Variants in ACBD5 observed in about 807,000 individuals in gnomAD.
ACBD5 encodes the protein acyl-CoA binding domain containing 5.
A neutral mutation model predicts 71.8 loss-of-function variants in ACBD5; 40 were observed. The observed-to-expected ratio is 0.56, with a 90% CI of 0.43 to 0.72. The LOEUF (loss-of-function observed/expected upper bound fraction) is 0.72. ACBD5 is among the 30% of genes least tolerant of loss of function. The probability of loss-of-function intolerance (pLI) is 0.00; values close to 1 mark genes in which losing one functional copy is unlikely to be tolerated. For missense variants in ACBD5, 559 were observed against 644.5 expected, an observed-to-expected ratio of 0.87 and a Z score of 1.44; for synonymous variants, 229 against 218.6, an observed-to-expected ratio of 1.05 and a Z score of -0.42.
intron 2 of ACBD5, among the ~76,000 whole-genome samples, chr10:27,238,060 C>T (rs2064982567): frequency 6.6e-6 from 1 of 152,152 alleles, no homozygotes. Flanking sequence ...ATTCTCCTGC[C>T]TCAGCCTCCC....
chr10:27,189,672 G>A (rs1477940547), intron 13 of ACBD5, among the ~76,000 whole-genome samples: 2 of 150,346 alleles, frequency 1.3e-5, no homozygotes, highest in African/African-American at 4.9e-5. Flanking sequence ...TGTAAATGAC[G>A]AGTTAATGGG....
At chr10:27,241,573 T>C (rs1371719373), upstream of ACBD5, among the ~76,000 whole-genome samples, 1 of 152,068 alleles carries the variant, frequency 6.6e-6, no homozygotes, top group African/African-American at 2.4e-5. Context: ...AATAGGAGAC[T>C]GGGCATGGGG....
chr10:27,202,280 A>G (rs972195049), intron 12 of ACBD5, among the ~76,000 whole-genome samples: 1 of 152,230 alleles, frequency 6.6e-6, no homozygotes, highest in African/African-American at 2.4e-5. Flanking sequence ...TATTACATAT[A>G]TAAGCAAACA....
intron 13 of ACBD5, among the ~76,000 whole-genome samples, chr10:27,182,876 G>A (rs1278121838): frequency 6.6e-6 from 1 of 151,562 alleles, no homozygotes; most frequent in Non-Finnish European, 1.5e-5. Flanking sequence ...TTGAACTCCT[G>A]GGCTCAAAGG....
At chr10:27,188,768 A>C (rs2058924544) in intron 13 of ACBD5, among the ~76,000 whole-genome samples, 1 of 152,222 alleles carries the variant, frequency 6.6e-6, no homozygotes, top group Non-Finnish European at 1.5e-5. Context: ...GTAGATTCAG[A>C]CACTTGCTAG....
chr10:27,201,624 G>A (rs566472594), intron 12 of ACBD5, among the ~76,000 whole-genome samples: 2 of 152,222 alleles, frequency 1.3e-5, no homozygotes, highest in African/African-American at 2.4e-5. Flanking sequence ...TCAACATGGC[G>A]AAACCCTGTC....
At chr10:27,240,847 C>A, upstream of ACBD5, 1 of 1,146,082 alleles carries the variant, frequency 8.7e-7, no homozygotes. The surrounding 1 kb of genome is among the most constrained non-coding windows in gnomAD (Gnocchi z 4.1). Flanking sequence ...CCGGAGGACC[C>A]ACTGGCGCCG....
chr10:27,204,995 C>T (rs1370137497), intron 11 of ACBD5, among the ~76,000 whole-genome samples: 2 of 151,886 alleles, frequency 1.3e-5, no homozygotes, highest in African/African-American at 2.4e-5. Context: ...GGTGTGGTGG[C>T]GGGCACCTGT....
rs1232204565 is a variant in ACBD5, at chr10:27,240,549, G to A, written c.16-65C>T. On this transcript the variant is annotated intron_variant, in intron 1 of 12. Transcript: ENST00000396271. The surrounding 1 kb of genome is among the most constrained non-coding windows in gnomAD (Gnocchi z 4.1). ...AAGGAGGAGGCCCGGGAGCGAAGCG[G>A]GTCAGTTCCCCTTTGCCCTGCCCTA... 8 of 1,551,166 alleles carry A rather than the reference G, an allele frequency of 5.2e-6. No individual in the cohort carries two copies. Among genetic ancestry groups the A allele is most frequent in the Admixed American group, 2.0e-5 (1 of 50,996 alleles).
In ACBD5 at chr10:27,195,965, G is replaced by A. The variant is rs558576452; in HGVS notation, c.*1465C>T. The A allele has an allele frequency of 2.3e-6, 1 of 434,456 alleles. No homozygotes were observed. The highest frequency in any genetic ancestry group is 1.7e-5 in the South Asian group (1 of 60,036). 26.9% of individuals were successfully genotyped at this position (434,456 alleles called of 1,614,324 possible). ...CGCCTCTAATCCCAGCACTTTGGGAGGCCGAGGCAGGCAGATCACCTGAGG... is the reference window on the plus strand; with the variant it reads ...CGCCTCTAATCCCAGCACTTTGGGAAGCCGAGGCAGGCAGATCACCTGAGG... On this transcript the variant is annotated 3_prime_UTR_variant, in exon 13 of 13. Transcript: ENST00000396271.
At chr10:27,232,475 T>C (rs2064017479) in intron 3 of ACBD5, among the ~76,000 whole-genome samples, 1 of 151,916 alleles carries the variant, frequency 6.6e-6, no homozygotes, top group Non-Finnish European at 1.5e-5. Flanking sequence ...ATTACAGGCA[T>C]GCACCCCCAC....
At chr10:27,186,245 CAAAT>C in intron 13 of ACBD5, 1 of 928,648 alleles carries the variant, frequency 1.1e-6, no homozygotes, top group Non-Finnish European at 1.7e-6. Context: ...AGACATTAAA[CAAAT>C]GTCTGTGAAA....
chr10:27,240,533 G>A lies in ACBD5; in HGVS notation c.16-49C>T, dbSNP rs1320480086. 1 of 1,557,294 alleles carries A rather than the reference G, an allele frequency of 6.4e-7. No individual in the cohort carries two copies. Among genetic ancestry groups the A allele is most frequent in the East Asian group, 2.4e-5 (1 of 41,442 alleles). On this transcript the variant is annotated intron_variant, in intron 1 of 12. Coordinates refer to ENST00000396271, the MANE Select transcript of ACBD5 (RefSeq NM_145698.5). The surrounding 1 kb of genome is among the most constrained non-coding windows in gnomAD (Gnocchi z 4.1). ...GATCAACATGCCCCAAAAGGAGGAGGCCCGGGAGCGAAGCGGGTCAGTTCC... is the reference window on the plus strand; with the variant it reads ...GATCAACATGCCCCAAAAGGAGGAGACCCGGGAGCGAAGCGGGTCAGTTCC...
At chr10:27,238,974 G>C (rs1314554069) in intron 2 of ACBD5, among the ~76,000 whole-genome samples, 1 of 152,226 alleles carries the variant, frequency 6.6e-6, no homozygotes, top group African/African-American at 2.4e-5. Context: ...CAGGAGGGCA[G>C]ATCACCTGAG....
chr10:27,189,789 A>AT (rs200900778), intron 13 of ACBD5, among the ~76,000 whole-genome samples: 6,793 of 147,796 alleles, frequency 0.046, 270 homozygotes, highest in African/African-American at 0.11. Context: ...TATATATATA[A>AT]ATAAACTTTT....
At chr10:27,240,885 C>G (rs2065421351), upstream of ACBD5, 2 of 756,376 alleles carry the variant, frequency 2.6e-6, no homozygotes, top group Admixed American at 2.7e-5. The surrounding 1 kb of genome is among the most constrained non-coding windows in gnomAD (Gnocchi z 4.1). Flanking sequence ...GTGCAGCAAA[C>G]CCCACCCACC....
intron 8 of ACBD5, among the ~76,000 whole-genome samples, chr10:27,213,766 A>C (rs2061351220): frequency 6.6e-6 from 1 of 152,112 alleles, no homozygotes; most frequent in African/African-American, 2.4e-5. Flanking sequence ...TCAGAAAAAA[A>C]AAAAAGTACC....
chr10:27,239,981 C>T (rs572354914), intron 2 of ACBD5, among the ~76,000 whole-genome samples: 11 of 152,192 alleles, frequency 7.2e-5, no homozygotes, highest in Non-Finnish European at 1.6e-4. Context: ...CTCCTGACCT[C>T]AGGTGATCCA....
downstream of ACBD5, among the ~76,000 whole-genome samples, chr10:27,191,411 A>T (rs1021001637): frequency 6.6e-5 from 10 of 152,172 alleles, no homozygotes; most frequent in Admixed American, 5.2e-4. Context: ...TAGGATGTAC[A>T]CTAAGAGTGA....
Sources: allele counts gnomAD v4.1 joint callset (sites outside exome capture counted in the v4.1 genomes callset), GRCh38; gene constraint gnomAD v4.1.1; non-coding constraint Gnocchi (gnomAD v3.1); transcripts MANE v1.5; gene names NCBI Gene and HGNC (gene_info 2026-07-23, HGNC 2026-07-21).